The following BRINP1 variants were observed in gnomAD, a reference collection of about 807,000 sequenced individuals.
BRINP1 encodes the protein BMP/retinoic acid inducible neural specific 1.
Under a neutral mutation model 72.9 loss-of-function variants are expected in BRINP1, and 17 were observed. The ratio of observed to expected loss-of-function variants is 0.23; its 90% CI spans 0.16 to 0.35. BRINP1 has a LOEUF of 0.35. BRINP1 is among the 10% of genes least tolerant of loss of function. BRINP1 has a pLI of 1.00. For synonymous variants in BRINP1, 418 were observed against 378.5 expected, an observed-to-expected ratio of 1.10 and a Z score of -1.21; for missense variants, 850 against 1,001.6, an observed-to-expected ratio of 0.85 and a Z score of 2.04.
chr9:119,324,745 A>G (rs2119006630), intron 1 of BRINP1, among the ~76,000 whole-genome samples: 1 of 152,348 alleles, frequency 6.6e-6, no homozygotes, highest in South Asian at 2.1e-4. Flanking sequence ...ATTCATAGGA[A>G]GGAATACTGC....
intron 7 of BRINP1, among the ~76,000 whole-genome samples, chr9:119,180,311 T>A (rs1829538693): frequency 6.6e-6 from 1 of 152,244 alleles, no homozygotes; most frequent in South Asian, 2.1e-4. Flanking sequence ...CCTTTGCTTT[T>A]TCCTTGGCAT....
intron 3 of BRINP1, among the ~76,000 whole-genome samples, chr9:119,246,468 T>G (rs1214637817): frequency 6.6e-6 from 1 of 152,262 alleles, no homozygotes; most frequent in Non-Finnish European, 1.5e-5. Flanking sequence ...TTCTTCAGCT[T>G]TGGGACTCGG....
intron 2 of BRINP1, among the ~76,000 whole-genome samples, chr9:119,308,737 G>A (rs983838180): frequency 1.3e-5 from 2 of 152,110 alleles, no homozygotes; most frequent in Admixed American, 6.5e-5. Flanking sequence ...TCAACTTTCA[G>A]GTATATATTT....
intron 7 of BRINP1, among the ~76,000 whole-genome samples, chr9:119,208,123 C>G (rs575152248): frequency 6.6e-6 from 1 of 152,116 alleles, no homozygotes; most frequent in East Asian, 1.9e-4. Context: ...TAGCAGAATA[C>G]CCGGTATATC....
chr9:119,290,907 G>A (rs1184896593), intron 2 of BRINP1, among the ~76,000 whole-genome samples: 1 of 152,120 alleles, frequency 6.6e-6, no homozygotes, highest in Non-Finnish European at 1.5e-5. Flanking sequence ...CAGATCACCT[G>A]AGGTCAGGAG....
intron 1 of BRINP1, among the ~76,000 whole-genome samples, chr9:119,355,716 A>G (rs907361128): frequency 1.7e-3 from 259 of 148,698 alleles, no homozygotes; most frequent in Non-Finnish European, 2.0e-3. Context: ...GCGACAGAGC[A>G]AGACTCCGTC....
intron 7 of BRINP1, among the ~76,000 whole-genome samples, chr9:119,208,511 A>G (rs1168581730): frequency 6.6e-6 from 1 of 152,192 alleles, no homozygotes; most frequent in Non-Finnish European, 1.5e-5. Flanking sequence ...TTCATGGTAC[A>G]TTCAGGAAAC....
intron 4 of BRINP1, among the ~76,000 whole-genome samples, chr9:119,241,190 C>T (rs1004944437): frequency 2.6e-5 from 4 of 152,102 alleles, no homozygotes; most frequent in African/African-American, 7.2e-5. Context: ...TCCTTGGTAG[C>T]CATATTTTAG....
At chr9:119,219,830 T>C (rs1830020887) in intron 5 of BRINP1, among the ~76,000 whole-genome samples, 1 of 151,962 alleles carries the variant, frequency 6.6e-6, no homozygotes, top group Non-Finnish European at 1.5e-5. Flanking sequence ...CACTCTCCAC[T>C]CTCCTAGGGG....
At chr9:119,357,022 G>T (rs1056644762) in intron 1 of BRINP1, among the ~76,000 whole-genome samples, 4 of 152,080 alleles carry the variant, frequency 2.6e-5, no homozygotes, top group Non-Finnish European at 4.4e-5. Flanking sequence ...AAAATATCCT[G>T]TATTTTTTAC....
At chr9:119,262,097 G>A (rs1286993233) in intron 2 of BRINP1, among the ~76,000 whole-genome samples, 4 of 152,154 alleles carry the variant, frequency 2.6e-5, no homozygotes, top group Non-Finnish European at 4.4e-5. Context: ...GCTGGTTGTG[G>A]TTATTTTCAT....
At chr9:119,272,400 G>A (rs1830616770) in intron 2 of BRINP1, among the ~76,000 whole-genome samples, 1 of 152,110 alleles carries the variant, frequency 6.6e-6, no homozygotes, top group African/African-American at 2.4e-5. Context: ...ATTTTTTAAA[G>A]ATGATGAACT....
At chr9:119,213,837 AG>A (rs765632157) in intron 6 of BRINP1, 81 bp downstream of exon 6, 1 of 1,219,712 alleles carries the variant, frequency 8.2e-7, no homozygotes. Context: ...CCCTTGCAGC[AG>A]TCCTAATTCC....
intron 5 of BRINP1, among the ~76,000 whole-genome samples, chr9:119,238,426 CTAAT>C (rs1001592373): frequency 3.3e-5 from 5 of 152,028 alleles, no homozygotes; most frequent in African/African-American, 1.2e-4. Context: ...TATCTGAAAA[CTAAT>C]TAATAATCAT....
At chr9:119,294,853 T>TAAAAAAAAAAAAAAAAAAAAAAAAA (rs59715609) in intron 2 of BRINP1, among the ~76,000 whole-genome samples, 1 of 128,034 alleles carries the variant, frequency 7.8e-6, no homozygotes, top group Admixed American at 8.2e-5. Flanking sequence ...GACACTACGT[T>TAAAAAAAAAAAAAAAAAAAAAAAAA]AAAAAAAAAA....
intron 2 of BRINP1, among the ~76,000 whole-genome samples, chr9:119,273,228 G>T (rs1005201534): frequency 1.3e-5 from 2 of 152,178 alleles, no homozygotes; most frequent in Admixed American, 1.3e-4. Context: ...ATTTGGGCAA[G>T]CTGTTTCACC....
intron 1 of BRINP1, among the ~76,000 whole-genome samples, chr9:119,314,948 A>G (rs1488694498): frequency 6.6e-6 from 1 of 152,146 alleles, no homozygotes; most frequent in Non-Finnish European, 1.5e-5. Context: ...CTTATTCCCT[A>G]TGACAGTGTT....
chr9:119,306,549 C>T (rs1475405891), intron 2 of BRINP1, among the ~76,000 whole-genome samples: 1 of 152,122 alleles, frequency 6.6e-6, no homozygotes, highest in African/African-American at 2.4e-5. Context: ...TTTGAGTCAA[C>T]AAGGAATGTT....
intron 1 of BRINP1, among the ~76,000 whole-genome samples, chr9:119,343,826 G>A (rs1051016271): frequency 3.9e-5 from 6 of 152,032 alleles, no homozygotes; most frequent in East Asian, 1.9e-4. Flanking sequence ...ATTTCATTGC[G>A]CCACTCAACA....
Sources: allele counts gnomAD v4.1 joint callset (sites outside exome capture counted in the v4.1 genomes callset), GRCh38; gene constraint gnomAD v4.1.1; transcripts MANE v1.5; gene names NCBI Gene and HGNC (gene_info 2026-07-23, HGNC 2026-07-21).